Variants in PIP5K1B observed in about 807,000 individuals in gnomAD.
PIP5K1B encodes phosphatidylinositol-4-phosphate 5-kinase type 1 beta.
In PIP5K1B, 42 loss-of-function variants were observed where a neutral mutation model predicts 67.0. That is an observed-to-expected ratio of 0.63 (90% CI 0.49 to 0.81). PIP5K1B has a LOEUF of 0.81. Ranked by LOEUF, PIP5K1B falls within the 30% of genes least tolerant of loss-of-function variation. The pLI, the probability that PIP5K1B is intolerant of heterozygous loss-of-function variation, is 0.00. For synonymous variants in PIP5K1B, 214 were observed against 231.4 expected (o/e 0.92, Z 0.68); for missense variants, 459 against 646.3 (o/e 0.71, Z 3.14).
chr9:68,820,925 A>G (rs1235336231), intron 3 of PIP5K1B, among the ~76,000 whole-genome samples: 2 of 152,226 alleles, frequency 1.3e-5, no homozygotes, highest in Admixed American at 6.5e-5. Context: ...AAGATACGCA[A>G]TAGTTTTGAG....
intron 14 of PIP5K1B, among the ~76,000 whole-genome samples, chr9:68,986,357 C>G (rs1830095116): frequency 2.6e-5 from 4 of 152,138 alleles, no homozygotes. Context: ...CATTAAGCAT[C>G]TTTTTATATG....
At chr9:68,939,284 T>A (rs1827436398) in intron 13 of PIP5K1B, among the ~76,000 whole-genome samples, 1 of 152,198 alleles carries the variant, frequency 6.6e-6, no homozygotes, top group African/African-American at 2.4e-5. Context: ...CAGATGTGTT[T>A]TGCTCTGTCA....
chr9:68,921,935 T>C (rs1481152923), intron 11 of PIP5K1B, among the ~76,000 whole-genome samples: 1 of 152,262 alleles, frequency 6.6e-6, no homozygotes, highest in Non-Finnish European at 1.5e-5. Flanking sequence ...GCTGGTTATA[T>C]ATCATGAACC....
intron 14 of PIP5K1B, among the ~76,000 whole-genome samples, chr9:68,967,458 AG>A: frequency 6.6e-6 from 1 of 152,236 alleles, no homozygotes; most frequent in East Asian, 1.9e-4. Flanking sequence ...CTTACAAGCA[AG>A]AGAAACTGAA....
At chr9:68,787,685 T>C (rs1347935519) in intron 2 of PIP5K1B, among the ~76,000 whole-genome samples, 1 of 152,016 alleles carries the variant, frequency 6.6e-6, no homozygotes, top group Non-Finnish European at 1.5e-5. Context: ...CAGGCTGGAG[T>C]GCAGGGGTGC....
intron 5 of PIP5K1B, among the ~76,000 whole-genome samples, chr9:68,866,295 C>CAA (rs538842640): frequency 2.4e-5 from 2 of 84,648 alleles, no homozygotes. Flanking sequence ...TACTCTGTCT[C>CAA]AAAAAAAAAA....
intron 14 of PIP5K1B, among the ~76,000 whole-genome samples, chr9:68,966,150 A>C (rs1025583079): frequency 6.6e-6 from 1 of 152,162 alleles, no homozygotes; most frequent in African/African-American, 2.4e-5. Context: ...AGGCCATACT[A>C]ATATTAATAT....
chr9:68,848,653 G>A (rs1323454592), intron 4 of PIP5K1B, among the ~76,000 whole-genome samples: 1 of 152,158 alleles, frequency 6.6e-6, no homozygotes, highest in Non-Finnish European at 1.5e-5. Flanking sequence ...TTATTTGGTA[G>A]ATGATAAAGA....
At chr9:68,838,980 A>G (rs994826717) in intron 4 of PIP5K1B, among the ~76,000 whole-genome samples, 6 of 152,030 alleles carry the variant, frequency 3.9e-5, no homozygotes, top group African/African-American at 1.4e-4. Flanking sequence ...TAGTTTGGAG[A>G]ATGTCTTAAA....
At chr9:68,833,576 G>T (rs376123958) in intron 4 of PIP5K1B, among the ~76,000 whole-genome samples, 1 of 95,524 alleles carries the variant, frequency 1.0e-5, no homozygotes, top group African/African-American at 3.8e-5. Context: ...CCCACCCCCC[G>T]ACAACAAATA....
At chr9:68,859,090 A>G (rs1822926271) in intron 4 of PIP5K1B, among the ~76,000 whole-genome samples, 1 of 152,220 alleles carries the variant, frequency 6.6e-6, no homozygotes, top group Non-Finnish European at 1.5e-5. Context: ...GCGTATGCAC[A>G]CACTAGCTAA....
chr9:68,788,281 G>T, intron 2 of PIP5K1B: 1 of 589,774 alleles, frequency 1.7e-6, no homozygotes, highest in Non-Finnish European at 3.0e-6. Context: ...AAGTGTTCAT[G>T]ACTTTTCCCT....
intron 6 of PIP5K1B, among the ~76,000 whole-genome samples, chr9:68,884,075 C>T (rs184354814): frequency 9.9e-5 from 15 of 152,118 alleles, no homozygotes; most frequent in East Asian, 1.9e-4. Flanking sequence ...GGGAAAATTG[C>T]GCAGTATTGA....
At chr9:68,955,013 C>A (rs938934160) in intron 14 of PIP5K1B, among the ~76,000 whole-genome samples, 2 of 151,990 alleles carry the variant, frequency 1.3e-5, no homozygotes, top group Non-Finnish European at 1.5e-5. Flanking sequence ...TAAATAGTCA[C>A]AATAGAAAGC....
intron 12 of PIP5K1B, 79 bp from the exon 13 acceptor site, chr9:68,934,807 ATAAT>A (rs1195100983): frequency 1.1e-6 from 1 of 949,018 alleles, no homozygotes; most frequent in African/African-American, 1.7e-5. Context: ...ATGTTAATAA[ATAAT>A]AAAATATTCA....
intron 4 of PIP5K1B, among the ~76,000 whole-genome samples, chr9:68,854,175 A>C (rs1360085616): frequency 1.4e-5 from 2 of 147,692 alleles, no homozygotes; most frequent in Non-Finnish European, 3.0e-5. Flanking sequence ...CTGTCATCCA[A>C]GCTGAAATGC....
At chr9:68,761,748 A>G (rs1830194369) in intron 2 of PIP5K1B, among the ~76,000 whole-genome samples, 2 of 152,094 alleles carry the variant, frequency 1.3e-5, no homozygotes, top group South Asian at 2.1e-4. Flanking sequence ...CCCTCTTAAA[A>G]GAACCCTTGT....
intron 14 of PIP5K1B, among the ~76,000 whole-genome samples, chr9:68,947,739 T>C (rs1827870116): frequency 6.6e-6 from 1 of 152,262 alleles, no homozygotes; most frequent in Admixed American, 6.5e-5. Context: ...CATAAATTTT[T>C]TAATGATCTG....
At chr9:68,718,579 C>T (rs910426007) in intron 1 of PIP5K1B, among the ~76,000 whole-genome samples, 1 of 152,226 alleles carries the variant, frequency 6.6e-6, no homozygotes, top group Non-Finnish European at 1.5e-5. Context: ...GGCTGTTTTA[C>T]TTCTAGAAAA....
Sources: allele counts gnomAD v4.1 joint callset (sites outside exome capture counted in the v4.1 genomes callset), GRCh38; gene constraint gnomAD v4.1.1; transcripts MANE v1.5; gene names NCBI Gene and HGNC (gene_info 2026-07-23, HGNC 2026-07-21).